Variants in PAPPA observed in about 807,000 individuals in gnomAD.
PAPPA encodes the protein pappalysin-1.
In PAPPA, 60 loss-of-function variants were observed where a neutral mutation model predicts 164.0. The ratio of observed to expected loss-of-function variants is 0.37; its 90% CI spans 0.30 to 0.45. The LOEUF is 0.45. Among genes scored for constraint, PAPPA ranks in the 20% least tolerant of loss-of-function variants. The probability of loss-of-function intolerance (pLI) is 1.00; values close to 1 mark genes in which losing one functional copy is unlikely to be tolerated. For synonymous variants in PAPPA, 875 were observed against 814.1 expected (o/e 1.07, Z -1.27); for missense variants, 1,782 against 2,087.3 (o/e 0.85, Z 2.85).
At chr9:116,235,665 T>TATTAGGTGGG in intron 7 of PAPPA, 28 bp downstream of exon 7, 1 of 1,611,316 alleles carries the variant, frequency 6.2e-7, no homozygotes, top group South Asian at 1.1e-5. Context: ...ATAGGGAGTT[T>TATTAGGTGGG]ATTAAGTGGG....
At chr9:116,367,601 A>G (rs1234416641) in intron 18 of PAPPA, 44 bp from the exon 19 acceptor site, 19 of 1,435,206 alleles carry the variant, frequency 1.3e-5, no homozygotes, top group Non-Finnish European at 1.9e-5. Context: ...GCAGATGTTG[A>G]GGGTCTCGGG....
chr9:116,255,250 A>G (rs1844914409), intron 7 of PAPPA, among the ~76,000 whole-genome samples: 1 of 152,048 alleles, frequency 6.6e-6, no homozygotes, highest in Non-Finnish European at 1.5e-5. Context: ...AAAGGGTTCT[A>G]GAGTCAAACA....
intron 7 of PAPPA, among the ~76,000 whole-genome samples, chr9:116,252,080 G>A (rs959400505): frequency 2.0e-5 from 3 of 152,204 alleles, no homozygotes; most frequent in African/African-American, 7.2e-5. Context: ...GCTGCAAACT[G>A]TTAGTTTTAT....
chr9:116,281,475 C>G (rs141807502), intron 9 of PAPPA, among the ~76,000 whole-genome samples: 1 of 152,174 alleles, frequency 6.6e-6, no homozygotes, highest in African/African-American at 2.4e-5. Context: ...CCAGCTCGAG[C>G]CAATCATTGA....
chr9:116,391,623 C>T (rs1846894621), intron 21 of PAPPA, among the ~76,000 whole-genome samples: 1 of 152,214 alleles, frequency 6.6e-6, no homozygotes, highest in African/African-American at 2.4e-5. Flanking sequence ...GTGTTAGCCT[C>T]AGCAGCTCAC....
intron 10 of PAPPA, among the ~76,000 whole-genome samples, chr9:116,315,452 T>C (rs1448033358): frequency 6.6e-6 from 1 of 152,244 alleles, no homozygotes; most frequent in African/African-American, 2.4e-5. Flanking sequence ...TAGAATTTCA[T>C]GATAAATACT....
At position 116,334,868 on chromosome 9, in the gene PAPPA, T is replaced by C. The variant is rs138350963; in HGVS notation, c.3405T>C (p.His1135=). Residue 1135 remains histidine (H), a synonymous_variant, in exon 13 of 22, where the codon CAT becomes CAC. Coordinates refer to ENST00000328252, the MANE Select transcript of PAPPA (RefSeq NM_002581.5). ...TKDQSHDLGL[H]VLSCRNNPLI... ...CTCTGTCTCCCCTGACAGGCCTCCA[T>C]GTCCTGAGCTGCAGGAACAATCCCC... 436 of 1,613,680 alleles carry C rather than the reference T, an allele frequency of 2.7e-4. 3 individuals carry two copies. The highest frequency in any genetic ancestry group is 1.7e-3 in the South Asian group (153 of 91,072).
At chr9:116,173,255 A>T (rs1587937984) in intron 1 of PAPPA, among the ~76,000 whole-genome samples, 1 of 152,204 alleles carries the variant, frequency 6.6e-6, no homozygotes, top group Admixed American at 6.5e-5. Context: ...TTTCTAACAG[A>T]TGTCAAAACA....
chr9:116,218,913 G>T (rs185201830), intron 4 of PAPPA, among the ~76,000 whole-genome samples: 11 of 152,250 alleles, frequency 7.2e-5, no homozygotes, highest in Admixed American at 5.2e-4. Context: ...CTCCAGAGAA[G>T]GAAAGGGGTT....
chr9:116,389,658 T>C (rs1309973225), intron 21 of PAPPA, among the ~76,000 whole-genome samples: 2 of 152,096 alleles, frequency 1.3e-5, no homozygotes, highest in Admixed American at 1.3e-4. Flanking sequence ...TGGCAATTTC[T>C]TTGGCTAAGA....
chr9:116,344,502 G>T (rs773483362), intron 13 of PAPPA, 41 bp from the exon 14 acceptor site: 5 of 1,589,456 alleles, frequency 3.1e-6, no homozygotes, highest in Non-Finnish European at 4.3e-6. Context: ...TAGCTGTCCT[G>T]TGAGGAGACT....
chr9:116,236,586 CAAAAAAA>C (rs35004875), intron 7 of PAPPA, among the ~76,000 whole-genome samples: 1 of 84,772 alleles, frequency 1.2e-5, no homozygotes, highest in African/African-American at 4.5e-5. Context: ...AACTCCATCT[CAAAAAAA>C]AAAAAAAAAA....
chr9:116,194,321 A>C (rs1162693466), intron 2 of PAPPA, among the ~76,000 whole-genome samples: 3 of 152,212 alleles, frequency 2.0e-5, no homozygotes, highest in African/African-American at 7.2e-5. Flanking sequence ...CTCATAAAAT[A>C]ATATCCCAGA....
chr9:116,195,086 G>A (rs1418233211), intron 2 of PAPPA, among the ~76,000 whole-genome samples: 1 of 152,130 alleles, frequency 6.6e-6, no homozygotes, highest in Admixed American at 6.5e-5. Context: ...TGTTGGGATG[G>A]CTCATAATGA....
At chr9:116,186,269 G>GAT (rs758072233) in intron 1 of PAPPA, among the ~76,000 whole-genome samples, 8 of 101,078 alleles carry the variant, frequency 7.9e-5, no homozygotes, top group South Asian at 5.7e-4. Context: ...TAGATATATA[G>GAT]ATATAGATAT....
intron 2 of PAPPA, among the ~76,000 whole-genome samples, chr9:116,198,435 G>A (rs1289129575): frequency 6.6e-6 from 1 of 152,240 alleles, no homozygotes. Flanking sequence ...GCATGAGTGT[G>A]TGTGTCTGCC....
chr9:116,320,946 C>T (rs1845847159), intron 10 of PAPPA, among the ~76,000 whole-genome samples: 1 of 151,964 alleles, frequency 6.6e-6, no homozygotes, highest in African/African-American at 2.4e-5. Context: ...AGGCCCTGAA[C>T]CTGAAGTTGG....
At chr9:116,350,406 G>A (rs1003297436) in intron 15 of PAPPA, among the ~76,000 whole-genome samples, 4 of 152,214 alleles carry the variant, frequency 2.6e-5, no homozygotes, top group East Asian at 3.9e-4. Context: ...GCAGGGGTGG[G>A]GGGACATATC....
intron 10 of PAPPA, among the ~76,000 whole-genome samples, chr9:116,327,721 T>G (rs1845939043): frequency 6.6e-6 from 1 of 152,200 alleles, no homozygotes; most frequent in South Asian, 2.1e-4. Flanking sequence ...CTCTGAAGCC[T>G]GGCATGCCAT....
Sources: gnomAD v4.1 joint callset for allele counts (sites outside exome capture counted in the v4.1 genomes callset) on GRCh38, gnomAD v4.1.1 for gene constraint, MANE v1.5 for transcripts, NCBI Gene and HGNC (gene_info 2026-07-23, HGNC 2026-07-21) for gene names.